Variants in ARB2A observed in about 807,000 individuals in gnomAD.
ARB2A encodes ARB2 cotranscriptional regulator A, also known as cotranscriptional regulator ARB2A.
the ARB2A span, among the ~76,000 whole-genome samples, chr5:93,980,544 T>C: frequency 6.6e-6 from 1 of 152,192 alleles, no homozygotes; most frequent in Non-Finnish European, 1.5e-5. Context: ...TCTTTCTTTT[T>C]CTAGAACTCC....
At chr5:93,792,713 A>AG in the ARB2A span, among the ~76,000 whole-genome samples, 2 of 77,912 alleles carry the variant, frequency 2.6e-5, no homozygotes, top group East Asian at 4.1e-4. Flanking sequence ...GGGTGGGGGG[A>AG]GGGGGAGGGA....
chr5:93,984,401 G>A, the ARB2A span, among the ~76,000 whole-genome samples: 1 of 152,110 alleles, frequency 6.6e-6, no homozygotes, highest in Non-Finnish European at 1.5e-5. Context: ...ATAACAATTT[G>A]CTTTCATCAA....
the ARB2A span, chr5:94,053,084 G>GATAT: frequency 9.6e-7 from 1 of 1,045,862 alleles, no homozygotes; most frequent in East Asian, 2.5e-5. Flanking sequence ...TAGATAGATA[G>GATAT]ATAGATAGAT....
the ARB2A span, among the ~76,000 whole-genome samples, chr5:93,985,938 G>C: frequency 6.6e-6 from 1 of 150,882 alleles, no homozygotes. Context: ...GGGAAGTGAG[G>C]AGCGCCTCTT....
the ARB2A span, among the ~76,000 whole-genome samples, chr5:93,726,582 T>C: frequency 6.6e-6 from 1 of 151,902 alleles, no homozygotes; most frequent in African/African-American, 2.4e-5. Context: ...TGGAAGGAGT[T>C]TGGATGACAG....
the ARB2A span, among the ~76,000 whole-genome samples, chr5:93,642,138 G>A: frequency 6.6e-6 from 1 of 151,502 alleles, no homozygotes; most frequent in Non-Finnish European, 1.5e-5. Flanking sequence ...GCACCACCAT[G>A]CCTGGCTAAT....
chr5:93,813,661 T>C, the ARB2A span, among the ~76,000 whole-genome samples: 1 of 152,166 alleles, frequency 6.6e-6, no homozygotes, highest in African/African-American at 2.4e-5. Flanking sequence ...GGAAGGCAAC[T>C]GTCTACAAGA....
the ARB2A span, among the ~76,000 whole-genome samples, chr5:93,797,848 G>A: frequency 2.0e-5 from 3 of 152,086 alleles, no homozygotes; most frequent in Non-Finnish European, 2.9e-5. Context: ...TACTGAAGAC[G>A]TACAGTACAA....
the ARB2A span, among the ~76,000 whole-genome samples, chr5:94,029,964 G>A: frequency 3.3e-5 from 5 of 152,200 alleles, no homozygotes; most frequent in Non-Finnish European, 7.3e-5. Flanking sequence ...GGAAGAGCAA[G>A]GGGTGTCTTA....
the ARB2A span, chr5:93,683,234 T>C: frequency 1.2e-5 from 17 of 1,426,668 alleles, no homozygotes; most frequent in Non-Finnish European, 1.6e-5. Flanking sequence ...GTCATCATCT[T>C]CATCAGCAGC....
the ARB2A span, among the ~76,000 whole-genome samples, chr5:94,045,287 T>A: frequency 6.6e-6 from 1 of 151,820 alleles, no homozygotes; most frequent in South Asian, 2.1e-4. Context: ...GAGTAGCCAT[T>A]CTTTTCTTCT....
chr5:94,062,965 A>C, the ARB2A span, among the ~76,000 whole-genome samples: 3 of 152,222 alleles, frequency 2.0e-5, no homozygotes, highest in Non-Finnish European at 2.9e-5. Flanking sequence ...GGCTGCTGCC[A>C]CTGGGGCCAA....
the ARB2A span, among the ~76,000 whole-genome samples, chr5:93,992,409 A>G: frequency 6.6e-6 from 1 of 152,078 alleles, no homozygotes; most frequent in Non-Finnish European, 1.5e-5. Context: ...TTAAGGATAC[A>G]TATTGTAAGC....
At chr5:93,783,026 C>T in the ARB2A span, among the ~76,000 whole-genome samples, 3 of 152,040 alleles carry the variant, frequency 2.0e-5, no homozygotes, top group African/African-American at 7.2e-5. Flanking sequence ...TTAATATATT[C>T]TGATTTTTGA....
At chr5:93,962,292 G>A in the ARB2A span, among the ~76,000 whole-genome samples, 3 of 152,230 alleles carry the variant, frequency 2.0e-5, no homozygotes, top group East Asian at 5.8e-4. Flanking sequence ...CATGATGCAT[G>A]TAATAAACTA....
At chr5:94,030,698 A>G in the ARB2A span, among the ~76,000 whole-genome samples, 3 of 152,230 alleles carry the variant, frequency 2.0e-5, no homozygotes, top group African/African-American at 4.8e-5. Flanking sequence ...TTAATTGCCA[A>G]TGTAACAGTA....
chr5:93,709,216 C>T, the ARB2A span, among the ~76,000 whole-genome samples: 2 of 152,088 alleles, frequency 1.3e-5, no homozygotes, highest in African/African-American at 4.8e-5. Context: ...TGCTACATTG[C>T]CTCAATGAAA....
the ARB2A span, among the ~76,000 whole-genome samples, chr5:94,020,408 A>G: frequency 6.6e-6 from 1 of 152,146 alleles, no homozygotes. Flanking sequence ...CATGTATGCC[A>G]GAACTTAAAG....
the ARB2A span, among the ~76,000 whole-genome samples, chr5:94,071,544 A>T: frequency 2.3e-4 from 35 of 152,248 alleles, no homozygotes; most frequent in Non-Finnish European, 4.3e-4. Flanking sequence ...AAAACTCAAT[A>T]GTTTTAAAAA....
Sources: allele counts gnomAD v4.1 joint callset (sites outside exome capture counted in the v4.1 genomes callset), GRCh38; gene constraint gnomAD v4.1.1; transcripts MANE v1.5; gene names NCBI Gene and HGNC (gene_info 2026-07-23, HGNC 2026-07-21).